The following TDRD15 variants were observed in gnomAD, a reference collection of about 807,000 sequenced individuals.
TDRD15 encodes tudor domain containing 15.
For synonymous variants in TDRD15, 503 were observed against 314.5 expected (o/e 1.60, Z -6.34); for missense variants, 1,416 against 904.7 (o/e 1.57, Z -7.25).
intron 1 of TDRD15, among the ~76,000 whole-genome samples, chr2:21,125,429 GGT>G (rs77767650): frequency 0.013 from 1,973 of 147,112 alleles, 15 homozygotes; most frequent in Non-Finnish European, 0.017. Flanking sequence ...CGAATGCCAG[GGT>G]GTGTGTGTGT....
At chr2:21,131,959 G>A (rs1665725705) in intron 2 of TDRD15, among the ~76,000 whole-genome samples, 1 of 152,068 alleles carries the variant, frequency 6.6e-6, no homozygotes, top group Non-Finnish European at 1.5e-5. Flanking sequence ...GGTAGAGAGG[G>A]TAGGGAGGGG....
chr2:21,138,489 A>G lies in TDRD15; in HGVS notation c.1022A>G (p.Lys341Arg), dbSNP rs1665857487. The change falls in exon 4 of 4, where the codon AAA (lysine) becomes AGA (arginine). Residue 341 changes from lysine to arginine, a missense_variant. Lys to Arg is a conservative substitution (Grantham distance 26). Coordinates refer to ENST00000405799, the MANE Select transcript of TDRD15 (RefSeq NM_001306137.2). Reference protein sequence around the residue: ...AIPSIYVKKLKQDFILVPLFS... With the variant: ...AIPSIYVKKLRQDFILVPLFS... ...CCCTCAATTTATGTAAAGAAACTTA[A>G]ACAGGATTTTATTTTAGTACCATTA... The G allele has an allele frequency of 1.4e-6, 1 of 715,740 alleles. No homozygotes were observed. Among genetic ancestry groups the G allele is most frequent in the Non-Finnish European group, 2.6e-6 (1 of 384,238 alleles). 44.3% of individuals were successfully genotyped at this position (715,740 alleles called of 1,614,324 possible).
chr2:21,145,689 C>T (rs1030137581), downstream of TDRD15, among the ~76,000 whole-genome samples: 2 of 151,910 alleles, frequency 1.3e-5, no homozygotes, highest in African/African-American at 4.8e-5. Context: ...ATAATCATAG[C>T]CTTAAAACAA....
In TDRD15 at chr2:21,139,216, T is replaced by C. The variant is rs1250756297; in HGVS notation, c.1749T>C (p.Leu583=). Residue 583 remains leucine, a synonymous_variant, in exon 4 of 4, where the codon CTT becomes CTC. Coordinates refer to ENST00000405799, the MANE Select transcript of TDRD15 (RefSeq NM_001306137.2). Reference sequence around the variant, plus strand: ...CATTTTTTGATGTAAAAATTTTGCTTCCAGAATTTTGTGAGTTGCCTGCCT... The same window carrying C: ...CATTTTTTGATGTAAAAATTTTGCTCCCAGAATTTTGTGAGTTGCCTGCCT... ...SIPFFDVKIL[L]PEFCELPALA... is the part of the protein sequence containing the mutation. 1 of 715,216 alleles carries C rather than the reference T, an allele frequency of 1.4e-6. No homozygotes were observed. Among genetic ancestry groups the C allele is most frequent in the Non-Finnish European group, 2.6e-6 (1 of 384,010 alleles). 44.3% of individuals were successfully genotyped at this position (715,216 alleles called of 1,614,324 possible). A position where few individuals can be genotyped will look rare whatever the true frequency, so the allele number is the denominator to read the frequency against.
At position 21,138,698 on chromosome 2, in the gene TDRD15, A is replaced by G. The variant is rs1315308487; in HGVS notation, c.1231A>G (p.Lys411Glu). Residue 411 changes from lysine to glutamate, a missense_variant, in exon 4 of 4, where the codon AAG (lysine) becomes GAG (glutamate). Lys to Glu is a moderately conservative substitution (Grantham distance 56). Transcript: ENST00000405799. ...LQTQESTVNS[K>E]CLLKTVGTQV... ...AACTCAAGAGTCTACAGTTAATTCTAAGTGTCTACTGAAGACTGTAGGCAC... is the reference window on the plus strand; with the variant it reads ...AACTCAAGAGTCTACAGTTAATTCTGAGTGTCTACTGAAGACTGTAGGCAC... 5 of 715,754 alleles carry G rather than the reference A, an allele frequency of 7.0e-6. No individual in the cohort carries two copies. The highest frequency in any genetic ancestry group is 3.0e-5 in the South Asian group (2 of 67,478). The allele number at this position is 715,754 out of a possible 1,614,324, so 44.3% of individuals were successfully genotyped here.
intron 2 of TDRD15, among the ~76,000 whole-genome samples, chr2:21,132,053 C>G (rs971975903): frequency 6.6e-6 from 1 of 151,988 alleles, no homozygotes; most frequent in African/African-American, 2.4e-5. Flanking sequence ...ATCTTCTGAC[C>G]AAAACTTGGA....
intron 1 of TDRD15, among the ~76,000 whole-genome samples, chr2:21,126,167 T>A (rs192069163): frequency 6.6e-6 from 1 of 152,314 alleles, no homozygotes; most frequent in East Asian, 1.9e-4. Context: ...TCCATCACCT[T>A]CAAAGGTTTC....
intron 2 of TDRD15, among the ~76,000 whole-genome samples, chr2:21,133,841 A>G (rs971559277): frequency 1.3e-5 from 2 of 152,118 alleles, no homozygotes; most frequent in African/African-American, 4.8e-5. Context: ...ATTGAGATGT[A>G]TGCTAAGTGT....
chr2:21,138,300 A>G lies in TDRD15; in HGVS notation c.833A>G (p.Tyr278Cys). ...ENLTAHMTLH[Y>C]DTVCQETSPT... Reference sequence around the variant, plus strand: ...TTGACAGCACATATGACTTTGCATTATGATACCGTCTGTCAAGAAACTAGT... The same window carrying G: ...TTGACAGCACATATGACTTTGCATTGTGATACCGTCTGTCAAGAAACTAGT... Residue 278 changes from tyrosine (Y) to cysteine (C), a missense_variant, in exon 4 of 4, where the codon TAT becomes TGT. Coordinates refer to ENST00000405799, the MANE Select transcript of TDRD15 (RefSeq NM_001306137.2). 1.4e-6 allele frequency: 1 copy of G among 716,500 alleles called. No individual in the cohort carries two copies. The highest frequency in any genetic ancestry group is 1.5e-5 in the South Asian group (1 of 67,556). The allele number at this position is 716,500 out of a possible 1,614,324, so 44.4% of individuals were successfully genotyped here.
rs1572299628 is a variant in TDRD15, at chr2:21,138,416, A to C, written c.949A>C (p.Asn317His). 1 of 715,636 alleles carries C rather than the reference A, an allele frequency of 1.4e-6. No homozygotes were observed. The highest frequency in any genetic ancestry group is 1.8e-5 in the African/African-American group (1 of 57,142). 44.3% of individuals were successfully genotyped at this position (715,636 alleles called of 1,614,324 possible). A position where few individuals can be genotyped will look rare whatever the true frequency, so the allele number is the denominator to read the frequency against. ...AATTCTTCAGCAGCTCTTGCCCCCA[A>C]ATCAAGTAAAAATTTGGTTTATGGA... ...RGILQQLLPPNQVKIWFMDYG... is the reference protein window; with the variant it reads ...RGILQQLLPPHQVKIWFMDYG... The change falls in exon 4 of 4, where the codon AAT becomes CAT. Residue 317 changes from asparagine (N) to histidine (H), a missense_variant. By Grantham distance (68) the Asn-to-His change is moderately conservative (BLOSUM62 1). Transcript: ENST00000405799.
At chr2:21,145,543 A>C (rs1228705781), downstream of TDRD15, among the ~76,000 whole-genome samples, 1 of 151,990 alleles carries the variant, frequency 6.6e-6, no homozygotes, top group African/African-American at 2.4e-5. Flanking sequence ...TTGTAAAAGC[A>C]GTTAGAAAAC....
chr2:21,139,256 T>G lies in TDRD15; in HGVS notation c.1789T>G (p.Ser597Ala). The change falls in exon 4 of 4, where the codon TCA becomes GCA. Residue 597 changes from serine (S) to alanine (A), a missense_variant. Coordinates refer to ENST00000405799, the MANE Select transcript of TDRD15 (RefSeq NM_001306137.2). ...GTTGCCTGCCTTAGCGATGTGCTGT[T>G]CACTTGCACATATATTTCCTGTTGA... ...CELPALAMCCSLAHIFPVEDL... is the reference protein window; with the variant it reads ...CELPALAMCCALAHIFPVEDL... 1.4e-6 allele frequency: 1 copy of G among 714,978 alleles called. No individual in the cohort carries two copies. Among genetic ancestry groups the G allele is most frequent in the East Asian group, 2.7e-5 (1 of 37,248 alleles). 44.3% of individuals were successfully genotyped at this position (714,978 alleles called of 1,614,324 possible).
chr2:21,144,264 A>G lies in TDRD15; in HGVS notation c.*992A>G, dbSNP rs1031923693. 4.0e-5 allele frequency among the ~76,000 whole-genome samples: 6 copies of G among 151,802 alleles called. No homozygotes were observed. Among genetic ancestry groups the G allele is most frequent in the Non-Finnish European group, 8.9e-5 (6 of 67,794 alleles). On this transcript the variant is annotated 3_prime_UTR_variant, in exon 4 of 4. Coordinates refer to ENST00000405799, the MANE Select transcript of TDRD15 (RefSeq NM_001306137.2). ...GTCTGATTTTGTTTATCCACATTAC[A>G]TTCATTTTCTGTATGGATTAGTTAC...
chr2:21,125,430 GT>G (rs1665566822), intron 1 of TDRD15, among the ~76,000 whole-genome samples: 2 of 77,362 alleles, frequency 2.6e-5, no homozygotes, highest in South Asian at 3.1e-4. Context: ...GAATGCCAGG[GT>G]GTGTGTGTGT....
intron 2 of TDRD15, among the ~76,000 whole-genome samples, chr2:21,128,902 C>T (rs193151738): frequency 6.6e-6 from 1 of 151,488 alleles, no homozygotes; most frequent in East Asian, 1.9e-4. Flanking sequence ...TAATATAATC[C>T]ATGGGAAAAC....
At chr2:21,133,119 C>T (rs1379665471) in intron 2 of TDRD15, among the ~76,000 whole-genome samples, 1 of 152,102 alleles carries the variant, frequency 6.6e-6, no homozygotes, top group Non-Finnish European at 1.5e-5. Context: ...TATGCATACT[C>T]AAATAGTATA....
In TDRD15 at chr2:21,143,347, C is replaced by T; in HGVS notation, c.*75C>T. 2.0e-6 allele frequency: 1 copy of T among 492,500 alleles called. No homozygotes were observed. The highest frequency in any genetic ancestry group is 3.8e-5 in the South Asian group (1 of 26,046). 30.5% of individuals were successfully genotyped at this position (492,500 alleles called of 1,614,324 possible). On this transcript the variant is annotated 3_prime_UTR_variant, in exon 4 of 4. Transcript: ENST00000405799. ...AAACAAAATATAAATTTTACATACACTGAGAAACAAAAGTGTAAACAAATC... is the reference window on the plus strand; with the variant it reads ...AAACAAAATATAAATTTTACATACATTGAGAAACAAAAGTGTAAACAAATC...
chr2:21,126,010 G>T (rs1366035881), intron 1 of TDRD15, among the ~76,000 whole-genome samples: 1 of 151,614 alleles, frequency 6.6e-6, no homozygotes, highest in Non-Finnish European at 1.5e-5. Context: ...ATGTGTGTGT[G>T]TATGTGTGTG....
Position 21,143,175 on chromosome 2 carries a change from C to T in TDRD15, c.5708C>T (p.Ala1903Val), listed in dbSNP as rs958959322. 2 of 707,028 alleles carry T rather than the reference C, an allele frequency of 2.8e-6. No homozygotes were observed. The highest frequency in any genetic ancestry group is 1.5e-5 in the South Asian group (1 of 65,204). 43.8% of individuals were successfully genotyped at this position (707,028 alleles called of 1,614,324 possible). Reference sequence around the variant, plus strand: ...GTCATTCATGAGAAAAACAATTTGGCAGATATATTAGTTGCATCTGGTCTC... The same window carrying T: ...GTCATTCATGAGAAAAACAATTTGGTAGATATATTAGTTGCATCTGGTCTC... ...VDVIHEKNNL[A>V]DILVASGLAT... The change falls in exon 4 of 4, where the codon GCA (alanine) becomes GTA (valine). Residue 1903 changes from alanine (A) to valine (V), a missense_variant. By Grantham distance (64) the Ala-to-Val change is moderately conservative. Transcript: ENST00000405799.
Sources: allele counts gnomAD v4.1 joint callset (sites outside exome capture counted in the v4.1 genomes callset), GRCh38; gene constraint gnomAD v4.1.1; transcripts MANE v1.5; gene names NCBI Gene and HGNC (gene_info 2026-07-23, HGNC 2026-07-21).